The following ALG5 variants were observed in gnomAD, a reference collection of about 807,000 sequenced individuals.
ALG5 encodes ALG5 dolichyl-phosphate beta-glucosyltransferase, also known as dolichyl-phosphate beta-glucosyltransferase.
In ALG5, 26 loss-of-function variants were observed where a neutral mutation model predicts 51.8. The observed-to-expected ratio is 0.50, with a 90% confidence interval of 0.37 to 0.70. The LOEUF (loss-of-function observed/expected upper bound fraction) is 0.70, where lower values mean the gene tolerates loss of function less well. Among genes scored for constraint, ALG5 ranks in the 30% least tolerant of loss-of-function variants. ALG5 has a pLI of 0.00. For missense variants in ALG5, 311 were observed against 399.3 expected (o/e 0.78, Z 1.88); for synonymous variants, 141 against 136.1 (o/e 1.04, Z -0.25).
intron 3 of ALG5, among the ~76,000 whole-genome samples, chr13:36,994,032 C>G (rs2059037558): frequency 6.6e-6 from 1 of 152,148 alleles, no homozygotes; most frequent in Non-Finnish European, 1.5e-5. Flanking sequence ...AGGGCAGATT[C>G]CAGCTTGGCT....
intron 8 of ALG5, among the ~76,000 whole-genome samples, chr13:36,962,381 A>C (rs2058871541): frequency 6.6e-6 from 1 of 152,238 alleles, no homozygotes; most frequent in African/African-American, 2.4e-5. Context: ...AAGCTGATAC[A>C]TGTATACTTG....
intron 8 of ALG5, among the ~76,000 whole-genome samples, chr13:36,964,461 C>A (rs2058882943): frequency 6.6e-6 from 1 of 152,106 alleles, no homozygotes; most frequent in African/African-American, 2.4e-5. Flanking sequence ...TGGATATATG[C>A]ATGTGGAGAA....
intron 6 of ALG5, among the ~76,000 whole-genome samples, chr13:36,977,815 CAAA>C (rs1196106688): frequency 3.1e-5 from 3 of 96,724 alleles, no homozygotes; most frequent in African/African-American, 1.3e-4. Flanking sequence ...AAAAAAAAAA[CAAA>C]AACGGTGGTA....
At chr13:36,963,033 A>T (rs371937854) in intron 8 of ALG5, among the ~76,000 whole-genome samples, 2 of 152,152 alleles carry the variant, frequency 1.3e-5, no homozygotes, top group African/African-American at 2.4e-5. Flanking sequence ...ACTGCAGCCT[A>T]AACTGGGCTT....
intron 6 of ALG5, 120 bp from the exon 7 acceptor site, chr13:36,972,156 T>A: frequency 1.2e-6 from 1 of 808,188 alleles, no homozygotes; most frequent in Non-Finnish European, 1.9e-6. Flanking sequence ...ATTAAAAATC[T>A]TTTAAAGGTT....
intron 5 of ALG5, among the ~76,000 whole-genome samples, chr13:36,988,900 T>C (rs2059013603): frequency 6.6e-6 from 1 of 152,182 alleles, no homozygotes; most frequent in South Asian, 2.1e-4. Flanking sequence ...GACCTCAAAG[T>C]CAATTATTTA....
intron 5 of ALG5, among the ~76,000 whole-genome samples, chr13:36,987,901 TA>T (rs1294188212): frequency 2.0e-5 from 3 of 152,244 alleles, no homozygotes; most frequent in South Asian, 4.2e-4. Context: ...CTGTCAATGG[TA>T]AAAAATGTAA....
intron 5 of ALG5, among the ~76,000 whole-genome samples, chr13:36,986,391 T>C (rs1024262349): frequency 6.6e-6 from 1 of 152,262 alleles, no homozygotes; most frequent in African/African-American, 2.4e-5. Flanking sequence ...GCATATTTCA[T>C]ACAGAAATAA....
intron 6 of ALG5, among the ~76,000 whole-genome samples, chr13:36,978,022 G>A (rs1310955846): frequency 2.0e-5 from 3 of 150,420 alleles, no homozygotes; most frequent in Non-Finnish European, 3.0e-5. Flanking sequence ...GAGTAGCTGC[G>A]ATTACAGGCA....
intron 7 of ALG5, chr13:36,967,659 A>G: frequency 2.3e-6 from 1 of 426,322 alleles, no homozygotes; most frequent in South Asian, 1.8e-5. Context: ...GGGTTGATGT[A>G]AATATGTCTT....
chr13:36,955,617 A>C (rs1383536609), intron 8 of ALG5, among the ~76,000 whole-genome samples: 3 of 151,450 alleles, frequency 2.0e-5, no homozygotes, highest in Non-Finnish European at 4.4e-5. Context: ...AGAGAAGATA[A>C]AATTACAGGA....
rs2058889324 is a variant in ALG5, at chr13:36,965,566, GA to G, written c.773+8del. On this transcript the variant is annotated splice_region_variant and intron_variant, in intron 8 of 9. Transcript: ENST00000239891. The stretch of plus-strand genomic sequence containing the variant: ...AGACAGACTGGATACATTCCAGTCA[GA>G]AACCTACCATCGTTCAACGTGTAGA... 6.2e-7 allele frequency: 1 copy of G among 1,611,852 alleles called. No individual in the cohort carries two copies. The highest frequency in any genetic ancestry group is 1.3e-5 in the African/African-American group (1 of 74,786).
At chr13:36,981,850 A>T (rs2058980908) in intron 6 of ALG5, among the ~76,000 whole-genome samples, 1 of 152,188 alleles carries the variant, frequency 6.6e-6, no homozygotes, top group Admixed American at 6.5e-5. Context: ...CACTTTTGGG[A>T]GGCCGTGGCT....
chr13:36,973,050 G>T, intron 6 of ALG5, among the ~76,000 whole-genome samples: 2 of 138,974 alleles, frequency 1.4e-5, no homozygotes. Context: ...ATGCCAAAAT[G>T]ATTTTTCACT....
chr13:36,988,972 A>G (rs1413164319), intron 5 of ALG5, among the ~76,000 whole-genome samples: 1 of 152,248 alleles, frequency 6.6e-6, no homozygotes, highest in African/African-American at 2.4e-5. Context: ...GATATGCCTC[A>G]GCTGACAGTA....
At chr13:36,997,046 G>C (rs6420362) in intron 1 of ALG5, among the ~76,000 whole-genome samples, 151,740 of 152,332 alleles carry the variant, frequency 1, 75,579 homozygotes, top group Middle Eastern at 1. Context: ...GAGTATGTAT[G>C]TGATCAGGTC....
intron 6 of ALG5, among the ~76,000 whole-genome samples, chr13:36,983,784 GA>G (rs2058990082): frequency 6.6e-6 from 1 of 151,238 alleles, no homozygotes; most frequent in South Asian, 2.1e-4. Flanking sequence ...AAAACACCTA[GA>G]AAAAAACAAA....
intron 1 of ALG5, among the ~76,000 whole-genome samples, chr13:36,996,856 G>A (rs1398453319): frequency 6.6e-6 from 1 of 152,126 alleles, no homozygotes; most frequent in Non-Finnish European, 1.5e-5. Flanking sequence ...GATCCTCAAT[G>A]ACTACTAAAA....
At chr13:36,956,543 C>T (rs931779986) in intron 8 of ALG5, among the ~76,000 whole-genome samples, 9 of 152,168 alleles carry the variant, frequency 5.9e-5, no homozygotes, top group Admixed American at 2.6e-4. Context: ...TTCACTGCAG[C>T]GCTGTTCACA....
Sources: gnomAD v4.1 joint callset for allele counts (sites outside exome capture counted in the v4.1 genomes callset) on GRCh38, gnomAD v4.1.1 for gene constraint, MANE v1.5 for transcripts, NCBI Gene and HGNC (gene_info 2026-07-23, HGNC 2026-07-21) for gene names.